The following MMD2 variants were observed in gnomAD, a reference collection of about 807,000 sequenced individuals.
The protein encoded by MMD2 is monocyte to macrophage differentiation factor 2.
MMD2 carries 30 observed loss-of-function variants against 33.5 expected under a neutral mutation model. The observed-to-expected ratio is 0.90, with a 90% confidence interval of 0.67 to 1.22. MMD2 has a LOEUF of 1.22. Ranked by LOEUF, MMD2 falls within the 50% of genes most tolerant of loss-of-function variation. The probability of loss-of-function intolerance (pLI) is 0.00; values close to 1 mark genes in which losing one functional copy is unlikely to be tolerated. For missense variants in MMD2, 364 were observed against 325.4 expected (o/e 1.12, Z -0.91); for synonymous variants, 129 against 123.0 (o/e 1.05, Z -0.32).
In MMD2 at chr7:4,909,365, C is replaced by T. The variant is rs139127697; in HGVS notation, c.537+516G>A. Among the ~76,000 whole-genome samples, 304 of 151,364 alleles carry T rather than the reference C, an allele frequency of 2.0e-3. 2 individuals carry two copies. The highest frequency in any genetic ancestry group is 7.0e-3 in the African/African-American group (290 of 41,218). On this transcript the variant is annotated intron_variant, in intron 6 of 6. Transcript: ENST00000401401. ...TAGGAGGGAATTAAGCAAGAAGAACCTGCCAAGCCCTCGCCAGACCAGGAA... is the reference window on the plus strand; with the variant it reads ...TAGGAGGGAATTAAGCAAGAAGAACTTGCCAAGCCCTCGCCAGACCAGGAA...
chr7:4,941,746 T>C (rs1365775557), intron 1 of MMD2, among the ~76,000 whole-genome samples: 4 of 151,822 alleles, frequency 2.6e-5, no homozygotes, highest in Admixed American at 2.6e-4. Context: ...TGCAGGTTTG[T>C]TATGTAGGTA....
rs967811394 is a variant in MMD2 at position 4,959,137 on chromosome 7, G to C, written c.-120C>G. ...CGCGCGGCGGGGGCCAAGGGGACCT[G>C]GTCGGCGCCCGGAGCCGGAGCCGGA... On this transcript the variant is annotated 5_prime_UTR_variant, in exon 1 of 7. Coordinates refer to ENST00000401401, the MANE Select transcript of MMD2 (RefSeq NM_198403.4). 45 of 810,114 alleles carry C rather than the reference G, an allele frequency of 5.6e-5. No individual in the cohort carries two copies. The highest frequency in any genetic ancestry group is 6.6e-5 in the Non-Finnish European group (40 of 606,376). The allele number at this position is 810,114 out of a possible 1,614,324, so 50.2% of individuals were successfully genotyped here. A position where few individuals can be genotyped will look rare whatever the true frequency, so the allele number is the denominator to read the frequency against.
At chr7:4,896,963 G>A in the MMD2 span, among the ~76,000 whole-genome samples, 1 of 151,924 alleles carries the variant, frequency 6.6e-6, no homozygotes, top group African/African-American at 2.4e-5. Flanking sequence ...GGGTTCAAGT[G>A]ATTCTCCTGC....
At chr7:4,929,391 C>G (rs1442430271) in intron 1 of MMD2, among the ~76,000 whole-genome samples, 1 of 152,172 alleles carries the variant, frequency 6.6e-6, no homozygotes, top group South Asian at 2.1e-4. Context: ...AGGACCCACC[C>G]TGGGGACCCC....
In MMD2 at chr7:4,920,272, G is replaced by A; in HGVS notation, c.189C>T (p.Asp63=). 6.2e-7 allele frequency: 1 copy of A among 1,606,464 alleles called. No homozygotes were observed. Among genetic ancestry groups the A allele is most frequent in the Non-Finnish European group, 8.5e-7 (1 of 1,176,924 alleles). Residue 63 remains aspartate (D), a synonymous_variant, in exon 3 of 7, where the codon GAC becomes GAT. Coordinates refer to ENST00000401401, the MANE Select transcript of MMD2 (RefSeq NM_198403.4). Reference sequence around the variant, plus strand: ...AGATCCAGGCAGAGATGGTCTCCCAGTCATCGTCCGACAGGAAGTAGAGGT... The same window carrying A: ...AGATCCAGGCAGAGATGGTCTCCCAATCATCGTCCGACAGGAAGTAGAGGT... ...SSNLYFLSDD[D]WETISAWIYG... is the part of the protein sequence containing the mutation.
intron 3 of MMD2, among the ~76,000 whole-genome samples, chr7:4,916,658 C>T (rs1238625094): frequency 6.6e-6 from 1 of 152,136 alleles, no homozygotes; most frequent in Non-Finnish European, 1.5e-5. Flanking sequence ...GCTGGGATTA[C>T]AAGCGTGAGC....
chr7:4,924,602 A>G (rs536188762), intron 2 of MMD2, among the ~76,000 whole-genome samples: 5 of 152,298 alleles, frequency 3.3e-5, no homozygotes, highest in South Asian at 2.1e-4. Flanking sequence ...GAAGGCTACA[A>G]TGGCTGGGGA....
At chr7:4,897,750 C>CT in the MMD2 span, among the ~76,000 whole-genome samples, 2 of 84,808 alleles carry the variant, frequency 2.4e-5, no homozygotes, top group Non-Finnish European at 4.3e-5. Flanking sequence ...TTCTTTCTTT[C>CT]TTTTTTTGAG....
chr7:4,935,703 A>C (rs1785722660), intron 1 of MMD2, among the ~76,000 whole-genome samples: 1 of 151,334 alleles, frequency 6.6e-6, no homozygotes. Context: ...AAAAACCAAA[A>C]AAATTGTATA....
At chr7:4,897,190 G>A in the MMD2 span, among the ~76,000 whole-genome samples, 1 of 129,448 alleles carries the variant, frequency 7.7e-6, no homozygotes, top group African/African-American at 3.0e-5. Context: ...AGTGAACAGA[G>A]ATCACTTTTA....
intron 1 of MMD2, among the ~76,000 whole-genome samples, chr7:4,938,675 G>A (rs919296608): frequency 3.9e-5 from 6 of 152,118 alleles, no homozygotes; most frequent in African/African-American, 7.2e-5. Flanking sequence ...GACTTGGAAA[G>A]GCAGAAGGTA....
intron 4 of MMD2, among the ~76,000 whole-genome samples, chr7:4,914,436 C>T (rs1009293214): frequency 3.3e-5 from 5 of 152,182 alleles, no homozygotes; most frequent in Non-Finnish European, 7.3e-5. Context: ...TCTCTGATTG[C>T]TGTAATTTAG....
At chr7:4,958,944 C>G in intron 1 of MMD2, 27 bp downstream of exon 1, 1 of 1,291,226 alleles carries the variant, frequency 7.7e-7, no homozygotes, top group East Asian at 3.1e-5. Flanking sequence ...CCCTCCCTCC[C>G]CGCGGACCTC....
chr7:4,914,139 T>C (rs1462048274), intron 4 of MMD2, among the ~76,000 whole-genome samples: 1 of 152,154 alleles, frequency 6.6e-6, no homozygotes, highest in Non-Finnish European at 1.5e-5. Flanking sequence ...GCACATGCCA[T>C]CACAAACTAG....
the MMD2 span, among the ~76,000 whole-genome samples, chr7:4,897,393 CA>C: frequency 6.6e-6 from 1 of 151,870 alleles, no homozygotes. Context: ...AGCAATTTCA[CA>C]AACACAGAAA....
chr7:4,916,186 G>T (rs1785138226), intron 3 of MMD2, 107 bp from the exon 4 acceptor site: 2 of 1,008,608 alleles, frequency 2.0e-6, no homozygotes, highest in Non-Finnish European at 3.0e-6. Flanking sequence ...AGGTTAGCAG[G>T]GCTGGGCTCC....
chr7:4,952,164 A>T (rs1296421221), intron 1 of MMD2, among the ~76,000 whole-genome samples: 7 of 152,208 alleles, frequency 4.6e-5, no homozygotes, highest in African/African-American at 1.7e-4. Context: ...GAATGGCCCC[A>T]GCCTACTCCT....
rs1301574844 is a variant in MMD2 at position 4,940,597 on chromosome 7, C to G, written c.48-15065G>C. 1.3e-5 allele frequency among the ~76,000 whole-genome samples: 2 copies of G among 152,216 alleles called. No homozygotes were observed. Among genetic ancestry groups the G allele is most frequent in the African/African-American group, 4.8e-5 (2 of 41,466 alleles). On this transcript the variant is annotated intron_variant, in intron 1 of 6. Coordinates refer to ENST00000401401, the MANE Select transcript of MMD2 (RefSeq NM_198403.4). This position sits in a 1 kb window ranked among gnomAD's most constrained non-coding sequence, Gnocchi z 5.0. Reference sequence around the variant, plus strand: ...CTTGGCCCTGGCCGCTTCTTTGTGTCCATTCATGAATTCAAGGCTCCTCCT... The same window carrying G: ...CTTGGCCCTGGCCGCTTCTTTGTGTGCATTCATGAATTCAAGGCTCCTCCT...
the MMD2 span, among the ~76,000 whole-genome samples, chr7:4,894,302 AG>A: frequency 1.3e-5 from 2 of 152,212 alleles, no homozygotes; most frequent in Admixed American, 1.3e-4. The surrounding 1 kb of genome is among the most constrained non-coding windows in gnomAD (Gnocchi z 4.3). Flanking sequence ...CACACGCAGA[AG>A]TCACATGTGA....
Sources: allele counts gnomAD v4.1 joint callset (sites outside exome capture counted in the v4.1 genomes callset), GRCh38; gene constraint gnomAD v4.1.1; non-coding constraint Gnocchi (gnomAD v3.1); transcripts MANE v1.5; gene names NCBI Gene and HGNC (gene_info 2026-07-23, HGNC 2026-07-21).